CTNNA2: variants seen among roughly 807,000 people sequenced by gnomAD.
CTNNA2 encodes catenin alpha-2.
In CTNNA2, 42 loss-of-function variants were observed where a neutral mutation model predicts 101.0. That is an observed-to-expected ratio of 0.42 (90% CI 0.32 to 0.54). The LOEUF is 0.54. Among genes scored for constraint, CTNNA2 ranks in the 20% least tolerant of loss-of-function variants. CTNNA2 has a pLI of 0.14. For synonymous variants in CTNNA2, 450 were observed against 456.4 expected (o/e 0.99, Z 0.18); for missense variants, 871 against 1,223.1 (o/e 0.71, Z 4.29).
intron 7 of CTNNA2, among the ~76,000 whole-genome samples, chr2:80,015,588 G>A (rs1028567852): frequency 3.9e-5 from 6 of 152,126 alleles, no homozygotes; most frequent in Admixed American, 6.6e-5. Context: ...ACGGGACGTG[G>A]AATGGGGAGT....
intron 7 of CTNNA2, among the ~76,000 whole-genome samples, chr2:79,940,473 C>T (rs1688080556): frequency 6.6e-6 from 1 of 152,186 alleles, no homozygotes; most frequent in African/African-American, 2.4e-5. Flanking sequence ...AAATCTTTCA[C>T]CCCATCCTCA....
At chr2:80,012,041 C>T (rs1264364990) in intron 7 of CTNNA2, among the ~76,000 whole-genome samples, 11 of 152,122 alleles carry the variant, frequency 7.2e-5, no homozygotes, top group African/African-American at 1.9e-4. Flanking sequence ...AGCAGATGTA[C>T]GTTTACAGGC....
chr2:80,064,412 C>T (rs1003680137), intron 7 of CTNNA2, among the ~76,000 whole-genome samples: 1 of 152,202 alleles, frequency 6.6e-6, no homozygotes, highest in Non-Finnish European at 1.5e-5. Flanking sequence ...CATCTTTTAG[C>T]CTGACTGCAT....
At chr2:79,480,957 T>C (rs1393501814) in intron 4 of CTNNA2, among the ~76,000 whole-genome samples, 2 of 152,132 alleles carry the variant, frequency 1.3e-5, no homozygotes, top group Non-Finnish European at 2.9e-5. Flanking sequence ...TGTCTGATTA[T>C]ATACCTACCT....
At chr2:80,065,718 G>A (rs761682309) in intron 7 of CTNNA2, among the ~76,000 whole-genome samples, 2 of 152,082 alleles carry the variant, frequency 1.3e-5, no homozygotes, top group East Asian at 1.9e-4. Flanking sequence ...ATACCTTACA[G>A]TGTTGTTGTA....
chr2:80,620,120 A>G (rs909854349), intron 18 of CTNNA2, among the ~76,000 whole-genome samples: 5 of 151,850 alleles, frequency 3.3e-5, no homozygotes, highest in African/African-American at 9.7e-5. Context: ...AGGGATATCA[A>G]AGCACTAGGG....
chr2:80,210,648 A>G (rs1558906109), intron 7 of CTNNA2, among the ~76,000 whole-genome samples: 2 of 152,126 alleles, frequency 1.3e-5, no homozygotes, highest in Non-Finnish European at 2.9e-5. Context: ...AGTCTTTGCT[A>G]TTGTGAATAG....
intron 7 of CTNNA2, among the ~76,000 whole-genome samples, chr2:80,244,983 G>A (rs992096679): frequency 3.9e-5 from 6 of 152,252 alleles, no homozygotes; most frequent in East Asian, 1.9e-4. Context: ...GTGACAAAGC[G>A]GGCGTTTTTA....
At chr2:79,838,984 C>T (rs1166114931) in intron 3 of CTNNA2, among the ~76,000 whole-genome samples, 1 of 152,072 alleles carries the variant, frequency 6.6e-6, no homozygotes, top group Non-Finnish European at 1.5e-5. Context: ...TTACTGGGCG[C>T]TTACTATGTG....
At chr2:79,568,128 T>C (rs1464422122) in intron 1 of CTNNA2, among the ~76,000 whole-genome samples, 1 of 152,164 alleles carries the variant, frequency 6.6e-6, no homozygotes, top group Non-Finnish European at 1.5e-5. Context: ...TTCAGTGTTC[T>C]CTCCTTTGTA....
chr2:79,794,326 CCTTTA>C (rs1476112806), intron 3 of CTNNA2, among the ~76,000 whole-genome samples: 2 of 151,840 alleles, frequency 1.3e-5, no homozygotes, highest in African/African-American at 4.8e-5. Context: ...AATTCTTTTG[CCTTTA>C]CTTTTAATGG....
At chr2:79,596,373 G>A (rs1677189601) in intron 1 of CTNNA2, among the ~76,000 whole-genome samples, 1 of 152,098 alleles carries the variant, frequency 6.6e-6, no homozygotes, top group Admixed American at 6.5e-5. Context: ...ACTGTAGGGA[G>A]CCCAAATGTT....
intron 7 of CTNNA2, among the ~76,000 whole-genome samples, chr2:80,195,763 T>C (rs1294518545): frequency 1.3e-5 from 2 of 152,126 alleles, no homozygotes; most frequent in Non-Finnish European, 2.9e-5. Context: ...ATGAAAGACA[T>C]TGCTCATTAT....
chr2:80,482,180 T>C, intron 9 of CTNNA2, among the ~76,000 whole-genome samples: 1 of 152,088 alleles, frequency 6.6e-6, no homozygotes, highest in East Asian at 1.9e-4. Flanking sequence ...CCAATCCTCC[T>C]CCTCCTCCTC....
chr2:80,176,357 G>T (rs1403931515), intron 7 of CTNNA2, among the ~76,000 whole-genome samples: 2 of 152,100 alleles, frequency 1.3e-5, no homozygotes, highest in Non-Finnish European at 2.9e-5. Flanking sequence ...AAAGGAAAAA[G>T]AAATAAAATG....
At chr2:79,798,761 T>A (rs182591883) in intron 3 of CTNNA2, among the ~76,000 whole-genome samples, 2 of 152,206 alleles carry the variant, frequency 1.3e-5, no homozygotes, top group East Asian at 3.9e-4. Context: ...TGGCACAAAT[T>A]TCTGAAAGAC....
intron 18 of CTNNA2, among the ~76,000 whole-genome samples, chr2:80,632,694 C>A (rs1672430328): frequency 6.6e-6 from 1 of 152,176 alleles, no homozygotes; most frequent in South Asian, 2.1e-4. Context: ...GTTGGAATAC[C>A]CTCTCCTGTG....
At chr2:79,692,747 A>C (rs1295201929) in intron 2 of CTNNA2, among the ~76,000 whole-genome samples, 2 of 152,050 alleles carry the variant, frequency 1.3e-5, no homozygotes, top group East Asian at 3.9e-4. Context: ...GCTGGAAACC[A>C]TCATTCTCAG....
At chr2:79,627,905 A>G (rs1428124329) in intron 1 of CTNNA2, among the ~76,000 whole-genome samples, 2 of 152,176 alleles carry the variant, frequency 1.3e-5, no homozygotes, top group Non-Finnish European at 1.5e-5. Flanking sequence ...AGGGAAATAT[A>G]CTGTTCTTTG....
Sources: gnomAD v4.1 joint callset for allele counts (sites outside exome capture counted in the v4.1 genomes callset) on GRCh38, gnomAD v4.1.1 for gene constraint, MANE v1.5 for transcripts, NCBI Gene and HGNC (gene_info 2026-07-23, HGNC 2026-07-21) for gene names.